TAFA2: variants seen among roughly 807,000 people sequenced by gnomAD.
The protein encoded by TAFA2 is TAFA chemokine like family member 2, also known as chemokine-like protein TAFA-2.
TAFA2 carries 7 observed loss-of-function variants against 18.8 expected under a neutral mutation model. That is an observed-to-expected ratio of 0.37 (90% CI 0.21 to 0.70). The LOEUF is 0.70. Among genes scored for constraint, TAFA2 ranks in the 30% least tolerant of loss-of-function variants. The pLI is 0.53. For missense variants in TAFA2, 122 were observed against 158.1 expected, an observed-to-expected ratio of 0.77 and a Z score of 1.23; for synonymous variants, 60 against 54.2, an observed-to-expected ratio of 1.11 and a Z score of -0.47.
At chr12:62,196,741 C>T (rs1476901264), upstream of TAFA2, among the ~76,000 whole-genome samples, 5 of 152,042 alleles carry the variant, frequency 3.3e-5, no homozygotes, top group East Asian at 9.6e-4. Flanking sequence ...TACAAAAAGT[C>T]TGAAATATTG....
intron 1 of TAFA2, among the ~76,000 whole-genome samples, chr12:61,926,215 C>A (rs1170818350): frequency 2.0e-5 from 3 of 152,092 alleles, no homozygotes; most frequent in Non-Finnish European, 4.4e-5. Flanking sequence ...GCCTACCAAC[C>A]AACAAAAGCC....
At chr12:62,130,314 T>G (rs1319988713) in intron 1 of TAFA2, among the ~76,000 whole-genome samples, 1 of 151,990 alleles carries the variant, frequency 6.6e-6, no homozygotes, top group Non-Finnish European at 1.5e-5. Context: ...CTCTTGCTGT[T>G]GCAGAAACTC....
intron 1 of TAFA2, among the ~76,000 whole-genome samples, chr12:61,898,370 A>G (rs1875947540): frequency 6.6e-6 from 1 of 152,074 alleles, no homozygotes; most frequent in Admixed American, 6.5e-5. Context: ...CCAACCCCAC[A>G]TTTCCCTTCT....
intron 1 of TAFA2, among the ~76,000 whole-genome samples, chr12:62,127,230 C>T (rs1283284835): frequency 6.6e-6 from 1 of 151,980 alleles, no homozygotes; most frequent in Non-Finnish European, 1.5e-5. Context: ...CCCAAAAAGG[C>T]TGCTGAAGGA....
intron 1 of TAFA2, chr12:62,252,866 A>G (rs888188594): frequency 3.3e-5 from 5 of 152,224 alleles, no homozygotes; most frequent in Non-Finnish European, 7.3e-5. Context: ...CAAACACTCC[A>G]TAAGTATGGT....
chr12:61,802,500 G>T (rs1353978341), intron 2 of TAFA2, among the ~76,000 whole-genome samples: 1 of 152,004 alleles, frequency 6.6e-6, no homozygotes, highest in Non-Finnish European at 1.5e-5. Context: ...AAATAAGTCA[G>T]GCACAGAAGG....
At chr12:61,831,698 A>AT (rs532324812) in intron 2 of TAFA2, among the ~76,000 whole-genome samples, 139 of 152,010 alleles carry the variant, frequency 9.1e-4, no homozygotes, top group South Asian at 2.9e-3. Flanking sequence ...TTAATTTTTA[A>AT]TTTTTTTTAT....
rs139679982 is a variant in TAFA2, at chr12:62,171,880, A to G, written c.-2+19379T>C. On this transcript the variant is annotated intron_variant, in intron 1 of 4. Transcript: ENST00000416284. ...AACTTGTTTCCTTCTTTTGTGATGCATTGCATGCTGATAATTCTGAGATCA... is the reference window on the plus strand; with the variant it reads ...AACTTGTTTCCTTCTTTTGTGATGCGTTGCATGCTGATAATTCTGAGATCA... Among the ~76,000 whole-genome samples, 382 of 152,316 alleles carry G rather than the reference A, an allele frequency of 2.5e-3. 1 individual carries two copies. Among genetic ancestry groups the G allele is most frequent in the African/African-American group, 8.7e-3 (362 of 41,580 alleles).
At chr12:61,889,415 T>A (rs1292327459) in intron 1 of TAFA2, among the ~76,000 whole-genome samples, 2 of 152,208 alleles carry the variant, frequency 1.3e-5, no homozygotes, top group Non-Finnish European at 2.9e-5. Context: ...GTTCATTTTC[T>A]CTAGATGTAT....
intron 1 of TAFA2, among the ~76,000 whole-genome samples, chr12:61,930,719 T>A (rs1008195453): frequency 6.6e-6 from 1 of 152,262 alleles, no homozygotes; most frequent in Non-Finnish European, 1.5e-5. Context: ...CAGATTCATG[T>A]TCCTCAAGGC....
chr12:61,781,345 T>A (rs1284137877), intron 2 of TAFA2, among the ~76,000 whole-genome samples: 2 of 151,752 alleles, frequency 1.3e-5, no homozygotes, highest in East Asian at 3.9e-4. Flanking sequence ...TACCTCCAAC[T>A]GGGCTAAGAT....
intron 1 of TAFA2, among the ~76,000 whole-genome samples, chr12:61,984,355 C>T (rs775598349): frequency 6.6e-5 from 10 of 152,180 alleles, no homozygotes; most frequent in Non-Finnish European, 1.3e-4. Flanking sequence ...GTAGAATGTG[C>T]AGGAGAACCC....
At chr12:61,855,298 G>A (rs1393332889) in intron 2 of TAFA2, among the ~76,000 whole-genome samples, 1 of 152,142 alleles carries the variant, frequency 6.6e-6, no homozygotes, top group Non-Finnish European at 1.5e-5. Flanking sequence ...AATGAGCTTG[G>A]AAACATAAAA....
At chr12:61,733,382 C>A (rs1236733959) in intron 4 of TAFA2, among the ~76,000 whole-genome samples, 2 of 152,054 alleles carry the variant, frequency 1.3e-5, no homozygotes, top group Non-Finnish European at 1.5e-5. Flanking sequence ...CCCAGGTTTT[C>A]TTCTAGGGTT....
At chr12:61,764,251 G>GATAGATAGATAC (rs1869691713) in intron 2 of TAFA2, among the ~76,000 whole-genome samples, 3 of 151,872 alleles carry the variant, frequency 2.0e-5, no homozygotes, top group African/African-American at 7.3e-5. Context: ...TAGATAGATA[G>GATAGATAGATAC]ATAGATAGAT....
chr12:62,194,592 C>A (rs2062641321), upstream of TAFA2, among the ~76,000 whole-genome samples: 1 of 152,260 alleles, frequency 6.6e-6, no homozygotes, highest in Middle Eastern at 3.4e-3. Context: ...TCTATCATAA[C>A]CTCTGTGCTT....
intron 1 of TAFA2, among the ~76,000 whole-genome samples, chr12:61,971,487 T>TA (rs768934769): frequency 1.0e-3 from 140 of 138,302 alleles, no homozygotes; most frequent in Admixed American, 3.0e-3. Flanking sequence ...TAAAGTATAA[T>TA]AAAAAAAAGA....
chr12:61,756,844 C>A (rs1478881080), intron 2 of TAFA2, among the ~76,000 whole-genome samples: 1 of 151,914 alleles, frequency 6.6e-6, no homozygotes, highest in Non-Finnish European at 1.5e-5. Flanking sequence ...ATATGAAGAT[C>A]TAAGAAAGGA....
intron 1 of TAFA2, among the ~76,000 whole-genome samples, chr12:62,088,858 T>C (rs1868577037): frequency 6.6e-6 from 1 of 151,636 alleles, no homozygotes; most frequent in Admixed American, 6.6e-5. Flanking sequence ...CCTGAGAAAA[T>C]ACCTGCTACA....
Sources: gnomAD v4.1 joint callset for allele counts (sites outside exome capture counted in the v4.1 genomes callset) on GRCh38, gnomAD v4.1.1 for gene constraint, MANE v1.5 for transcripts, NCBI Gene and HGNC (gene_info 2026-07-23, HGNC 2026-07-21) for gene names.